The following CRPPA variants were observed in gnomAD, a reference collection of about 807,000 sequenced individuals.
The protein encoded by CRPPA is D-ribitol-5-phosphate cytidylyltransferase.
In CRPPA, 43 loss-of-function variants were observed where a neutral mutation model predicts 52.0. That is an observed-to-expected ratio of 0.83 (90% confidence interval 0.65 to 1.07). The LOEUF is 1.07. CRPPA is among the 50% of genes least tolerant of loss of function. The pLI is 0.00. For synonymous variants in CRPPA, 250 were observed against 203.5 expected, an observed-to-expected ratio of 1.23 and a Z score of -1.94; for missense variants, 629 against 551.7, an observed-to-expected ratio of 1.14 and a Z score of -1.40.
intron 3 of CRPPA, among the ~76,000 whole-genome samples, chr7:16,374,548 C>A (rs560480120): frequency 1.6e-3 from 249 of 152,290 alleles, no homozygotes; most frequent in Non-Finnish European, 3.1e-3. Flanking sequence ...CTGCTCAGCT[C>A]CCAAATGGTC....
At chr7:16,209,783 T>G (rs1782081250) in intron 9 of CRPPA, among the ~76,000 whole-genome samples, 2 of 152,206 alleles carry the variant, frequency 1.3e-5, no homozygotes, top group African/African-American at 4.8e-5. Context: ...CATTAGATTT[T>G]TTAAAAATTT....
At chr7:16,278,328 AG>A in intron 5 of CRPPA, 102 bp from the exon 6 acceptor site, 1 of 639,506 alleles carries the variant, frequency 1.6e-6, no homozygotes, top group Non-Finnish European at 2.7e-6. Flanking sequence ...CTGTTGACCA[AG>A]AATAGGGAGG....
intron 2 of CRPPA, among the ~76,000 whole-genome samples, chr7:16,388,387 G>A (rs1787349800): frequency 6.6e-6 from 1 of 151,978 alleles, no homozygotes; most frequent in Non-Finnish European, 1.5e-5. Context: ...AATGTATGGG[G>A]TACAGCTAAA....
intron 9 of CRPPA, among the ~76,000 whole-genome samples, chr7:16,176,716 A>G (rs1283815947): frequency 6.6e-6 from 1 of 151,620 alleles, no homozygotes; most frequent in Non-Finnish European, 1.5e-5. Context: ...AGCTGGGACT[A>G]TAGGCATGCA....
intron 8 of CRPPA, among the ~76,000 whole-genome samples, chr7:16,220,836 G>C: frequency 6.6e-6 from 1 of 152,118 alleles, no homozygotes; most frequent in Non-Finnish European, 1.5e-5. Context: ...TCATGGGTAG[G>C]AAGAATCAAA....
chr7:16,092,623 A>T (rs1222785229), intron 9 of CRPPA, among the ~76,000 whole-genome samples: 4 of 152,176 alleles, frequency 2.6e-5, no homozygotes, highest in Non-Finnish European at 5.9e-5. Flanking sequence ...AATTACTGGA[A>T]TATTCTCACA....
intron 9 of CRPPA, among the ~76,000 whole-genome samples, chr7:16,143,172 GAAATAAAACAAA>G (rs1782906621): frequency 1.3e-5 from 2 of 152,116 alleles, no homozygotes; most frequent in Non-Finnish European, 2.9e-5. Context: ...TCACATCTTA[GAAATAAAACAAA>G]AACAGAAAAC....
chr7:16,137,808 C>G (rs1782789893), intron 9 of CRPPA, among the ~76,000 whole-genome samples: 2 of 152,098 alleles, frequency 1.3e-5, no homozygotes, highest in Non-Finnish European at 2.9e-5. Context: ...CAATTCAGCA[C>G]CAGACTTAAA....
At chr7:16,111,235 C>T (rs1255312966) in intron 9 of CRPPA, among the ~76,000 whole-genome samples, 1 of 152,018 alleles carries the variant, frequency 6.6e-6, no homozygotes, top group Non-Finnish European at 1.5e-5. Context: ...AAGATATCAT[C>T]TCACACCTGT....
chr7:16,214,857 G>A (rs79455068), intron 9 of CRPPA, among the ~76,000 whole-genome samples: 51 of 152,234 alleles, frequency 3.4e-4, no homozygotes, highest in African/African-American at 1.2e-3. Flanking sequence ...TACTCTACCC[G>A]TTATCTGTCC....
chr7:16,359,979 C>G (rs1562652918), intron 3 of CRPPA, among the ~76,000 whole-genome samples: 1 of 152,194 alleles, frequency 6.6e-6, no homozygotes, highest in Non-Finnish European at 1.5e-5. Flanking sequence ...TGTCCCCACT[C>G]TAGCCTCTGC....
intron 4 of CRPPA, among the ~76,000 whole-genome samples, chr7:16,305,239 C>T (rs1377788163): frequency 1.3e-5 from 2 of 151,822 alleles, no homozygotes; most frequent in African/African-American, 2.4e-5. Flanking sequence ...AAATAGGGAC[C>T]CTGAAAACAA....
chr7:16,126,249 T>G (rs1782578709), intron 9 of CRPPA, among the ~76,000 whole-genome samples: 1 of 152,110 alleles, frequency 6.6e-6, no homozygotes, highest in South Asian at 2.1e-4. Context: ...AACAAGTATG[T>G]TTATCTACTG....
At chr7:16,148,077 T>C (rs939419197) in intron 9 of CRPPA, among the ~76,000 whole-genome samples, 1 of 152,330 alleles carries the variant, frequency 6.6e-6, no homozygotes, top group East Asian at 1.9e-4. Context: ...ACAGCTGTTA[T>C]TTATATACAT....
chr7:16,292,583 C>G (rs180979772), intron 5 of CRPPA, among the ~76,000 whole-genome samples: 2 of 151,978 alleles, frequency 1.3e-5, no homozygotes, highest in African/African-American at 2.4e-5. Context: ...ATCTGCCAGA[C>G]TCCTTTTAAA....
intron 3 of CRPPA, among the ~76,000 whole-genome samples, chr7:16,340,952 C>A (rs1785810211): frequency 1.3e-5 from 2 of 152,034 alleles, no homozygotes; most frequent in Admixed American, 1.3e-4. Flanking sequence ...CATGCAAAAA[C>A]ATGGAGAAAC....
At chr7:16,217,019 G>A (rs11981616) in intron 8 of CRPPA, among the ~76,000 whole-genome samples, 3,075 of 150,986 alleles carry the variant, frequency 0.02, 115 homozygotes, top group African/African-American at 0.07. Flanking sequence ...CAGCAGTAAC[G>A]TCTGCAGACT....
chr7:16,148,752 GATA>G (rs1170920263), intron 9 of CRPPA, among the ~76,000 whole-genome samples: 8 of 152,058 alleles, frequency 5.3e-5, no homozygotes, highest in Non-Finnish European at 1.5e-5. Context: ...CCAAGTCCGT[GATA>G]ATATTATGGA....
At chr7:16,190,065 A>G (rs192155029) in intron 9 of CRPPA, among the ~76,000 whole-genome samples, 2 of 152,296 alleles carry the variant, frequency 1.3e-5, no homozygotes, top group East Asian at 3.9e-4. Context: ...TAGTCTTACA[A>G]GATCAAATTT....
Sources: gnomAD v4.1 joint callset for allele counts (sites outside exome capture counted in the v4.1 genomes callset) on GRCh38, gnomAD v4.1.1 for gene constraint, MANE v1.5 for transcripts, NCBI Gene and HGNC (gene_info 2026-07-23, HGNC 2026-07-21) for gene names.